Variants in TIAM2 observed in about 807,000 individuals in gnomAD.
TIAM2 encodes the protein TIAM Rac1 associated GEF 2.
In TIAM2, 80 loss-of-function variants were observed where a neutral mutation model predicts 152.9. The observed-to-expected ratio is 0.52, with a 90% CI of 0.44 to 0.63. The LOEUF (loss-of-function observed/expected upper bound fraction) is 0.63. Ranked by LOEUF, TIAM2 falls within the 30% of genes least tolerant of loss-of-function variation. TIAM2 has a pLI of 0.00. For missense variants in TIAM2, 1,965 were observed against 2,120.1 expected (o/e 0.93, Z 1.44); for synonymous variants, 804 against 838.0 (o/e 0.96, Z 0.70).
intron 1 of TIAM2, among the ~76,000 whole-genome samples, chr6:155,028,380 G>T (rs1776679212): frequency 8.9e-6 from 1 of 111,834 alleles, no homozygotes; most frequent in African/African-American, 4.1e-5. Flanking sequence ...TATATACTGT[G>T]TTACATATAT....
chr6:155,221,110 GTTTTTT>G (rs35638764), intron 15 of TIAM2, among the ~76,000 whole-genome samples: 1 of 98,962 alleles, frequency 1.0e-5, no homozygotes, highest in African/African-American at 3.7e-5. Context: ...CTTTCATCTT[GTTTTTT>G]TTTTTTTTTG....
chr6:155,254,340 AG>A (rs1783865780), intron 25 of TIAM2, 78 bp from the exon 26 acceptor site: 2 of 1,556,016 alleles, frequency 1.3e-6, no homozygotes, highest in East Asian at 2.3e-5. Context: ...TGCAAGGCAC[AG>A]GAACACAGGC....
At chr6:155,249,746 T>C in intron 20 of TIAM2, 105 bp from the exon 21 acceptor site, 1 of 883,746 alleles carries the variant, frequency 1.1e-6, no homozygotes, top group Middle Eastern at 2.4e-4. Flanking sequence ...TAGTGGGTAC[T>C]GGTCTGGAAT....
intron 2 of TIAM2, among the ~76,000 whole-genome samples, chr6:155,112,616 CCCACTTCTCT>C (rs1212524063): frequency 6.6e-6 from 1 of 152,106 alleles, no homozygotes; most frequent in African/African-American, 2.4e-5. Context: ...GGGTGAGCAG[CCCACTTCTCT>C]CCTGAACTCC....
At chr6:155,106,690 A>T (rs1250008322) in intron 2 of TIAM2, among the ~76,000 whole-genome samples, 1 of 152,250 alleles carries the variant, frequency 6.6e-6, no homozygotes, top group Non-Finnish European at 1.5e-5. Flanking sequence ...AAGGGCTTAA[A>T]AAAGAAGCTG....
rs201514659 is a variant in TIAM2 at position 155,211,286 on chromosome 6, G to C, written c.3147G>C (p.Glu1049Asp). ...CTCTGGATCAGGTTTCCCACAGGGA[G>C]AAAATGGAGCAGACATTCAGGGTAA... ...DGTLDQVSHR[E>D]KMEQTFRSAE... The change falls in exon 15 of 27, where the codon GAG becomes GAC. Residue 1049 changes from glutamate to aspartate, a missense_variant. Physicochemically the swap from Glu to Asp is conservative, Grantham distance 45. Around this residue, in one of 3 missense-constraint regions of TIAM2, gnomAD observed 935 missense variants for 980.0 expected, o/e 0.95. Transcript: ENST00000682666. 1 of 1,613,480 alleles carries C rather than the reference G, an allele frequency of 6.2e-7. No homozygotes were observed. The highest frequency in any genetic ancestry group is 8.5e-7 in the Non-Finnish European group (1 of 1,179,484).
chr6:155,151,687 G>A (rs1779973026), intron 7 of TIAM2, among the ~76,000 whole-genome samples: 1 of 152,156 alleles, frequency 6.6e-6, no homozygotes, highest in Admixed American at 6.5e-5. Context: ...GGAGGACAGA[G>A]TGGGGCAAAA....
chr6:155,246,177 C>A (rs1250714547), intron 19 of TIAM2, among the ~76,000 whole-genome samples: 1 of 151,916 alleles, frequency 6.6e-6, no homozygotes, highest in Non-Finnish European at 1.5e-5. Flanking sequence ...TCTGGTGCAA[C>A]TGGAAAGAGC....
intron 2 of TIAM2, among the ~76,000 whole-genome samples, chr6:155,105,982 T>C (rs116381824): frequency 1.4e-5 from 1 of 72,718 alleles, no homozygotes; most frequent in African/African-American, 5.2e-5. Context: ...TGGGTATTTT[T>C]ATTTATTTTA....
intron 1 of TIAM2, among the ~76,000 whole-genome samples, chr6:155,029,485 CTATAGTATATATTATATATAA>C (rs1290421993): frequency 3.9e-4 from 4 of 10,370 alleles, no homozygotes; most frequent in African/African-American, 1.1e-3. Context: ...AGTATATATA[CTATAGTATATATTATATATAA>C]TATATACTAT....
intron 1 of TIAM2, among the ~76,000 whole-genome samples, chr6:155,063,122 A>ATT (rs149662143): frequency 2.3e-4 from 34 of 149,926 alleles, no homozygotes; most frequent in Admixed American, 4.0e-4. Flanking sequence ...GTGACTTGTC[A>ATT]TTTTTTTTTT....
At chr6:155,065,023 T>C (rs1777660659) in intron 1 of TIAM2, among the ~76,000 whole-genome samples, 1 of 152,204 alleles carries the variant, frequency 6.6e-6, no homozygotes, top group Non-Finnish European at 1.5e-5. Flanking sequence ...TGGTGCAATC[T>C]CAGCTCACTG....
At chr6:154,997,629 ATTTTTTTTTTTTTTT>A (rs57280691) in intron 1 of TIAM2, among the ~76,000 whole-genome samples, 5 of 62,082 alleles carry the variant, frequency 8.1e-5, no homozygotes, top group African/African-American at 2.7e-4. Flanking sequence ...GAAAGAATGG[ATTTTTTTTTTTTTTT>A]TTTTTTTTTT....
chr6:155,148,053 G>T, intron 6 of TIAM2, 57 bp from the exon 7 acceptor site: 3 of 1,570,894 alleles, frequency 1.9e-6, no homozygotes, highest in Non-Finnish European at 2.6e-6. Flanking sequence ...TGCCATTTTG[G>T]AGAGCACTTT....
chr6:155,182,165 G>A, intron 12 of TIAM2, 61 bp from the exon 13 acceptor site: 2 of 1,375,350 alleles, frequency 1.5e-6, no homozygotes, highest in Non-Finnish European at 2.1e-6. Context: ...CTGCCGGTGT[G>A]GTTGGAGAAA....
intron 14 of TIAM2, among the ~76,000 whole-genome samples, chr6:155,201,705 C>A (rs535401071): frequency 6.6e-6 from 1 of 152,338 alleles, no homozygotes; most frequent in Non-Finnish European, 1.5e-5. Flanking sequence ...CAGCACCTTT[C>A]TACTGTGAGA....
chr6:154,995,589 G>A lies in TIAM2; in HGVS notation c.-209+97G>A, dbSNP rs1051393749. 4 of 151,886 alleles carry A rather than the reference G, an allele frequency of 2.6e-5. No homozygotes were observed. The highest frequency in any genetic ancestry group is 4.8e-5 in the African/African-American group (2 of 41,392). The allele number at this position is 151,886 out of a possible 1,614,324, so 9.4% of individuals were successfully genotyped here. On this transcript the variant is annotated intron_variant, in intron 1 of 26. Coordinates refer to ENST00000682666, the MANE Select transcript of TIAM2 (RefSeq NM_012454.4). The surrounding 1 kb of genome is among the most constrained non-coding windows in gnomAD (Gnocchi z 5.2). ...GCGGGCGGGGCGGCGCGCGGCCGGC[G>A]GTCCCCTCCCTTCCCCTTTGTTGGC...
intron 1 of TIAM2, among the ~76,000 whole-genome samples, chr6:155,055,688 G>A (rs565486052): frequency 6.6e-6 from 1 of 152,308 alleles, no homozygotes; most frequent in South Asian, 2.1e-4. Context: ...CAGGCCAGGT[G>A]TGGTGGGTCA....
At chr6:155,144,108 CTT>C (rs1401327003) in intron 5 of TIAM2, among the ~76,000 whole-genome samples, 1 of 152,194 alleles carries the variant, frequency 6.6e-6, no homozygotes, top group African/African-American at 2.4e-5. Context: ...CTCCAGCCCA[CTT>C]TTAATTTTTA....
Sources: gnomAD v4.1 joint callset for allele counts (sites outside exome capture counted in the v4.1 genomes callset) on GRCh38, gnomAD v4.1.1 for gene constraint, gnomAD v4.1.1 regional missense constraint, Gnocchi (gnomAD v3.1) non-coding constraint, MANE v1.5 for transcripts, NCBI Gene and HGNC (gene_info 2026-07-23, HGNC 2026-07-21) for gene names.